OXCT1: variants seen among roughly 807,000 people sequenced by gnomAD.
The protein encoded by OXCT1 is succinyl-CoA:3-ketoacid coenzyme A transferase 1, mitochondrial.
OXCT1 carries 27 observed loss-of-function variants against 69.6 expected under a neutral mutation model. The observed-to-expected ratio is 0.39, with a 90% CI of 0.29 to 0.54. OXCT1 has a LOEUF of 0.54. Ranked by LOEUF, OXCT1 falls within the 20% of genes least tolerant of loss-of-function variation. The pLI is 0.72. For missense variants in OXCT1, 437 were observed against 650.2 expected (o/e 0.67, Z 3.57); for synonymous variants, 202 against 217.8 (o/e 0.93, Z 0.64).
At chr5:41,846,582 C>T (rs908116962) in intron 5 of OXCT1, among the ~76,000 whole-genome samples, 3 of 151,796 alleles carry the variant, frequency 2.0e-5, no homozygotes, top group Non-Finnish European at 2.9e-5. Context: ...AATAATGCTG[C>T]AATAAACATA....
chr5:41,818,281 G>A (rs1343399904), intron 7 of OXCT1, among the ~76,000 whole-genome samples: 1 of 152,190 alleles, frequency 6.6e-6, no homozygotes, highest in Non-Finnish European at 1.5e-5. Context: ...GCCACAAAAA[G>A]AGGGAGAACA....
chr5:41,830,294 G>A (rs183760251), intron 7 of OXCT1, among the ~76,000 whole-genome samples: 50 of 152,284 alleles, frequency 3.3e-4, no homozygotes, highest in Non-Finnish European at 5.4e-4. Context: ...TTCAGAAAGG[G>A]TTGGTGGAAG....
At chr5:41,787,305 G>A (rs1745685479) in intron 13 of OXCT1, among the ~76,000 whole-genome samples, 6 of 152,004 alleles carry the variant, frequency 3.9e-5, no homozygotes, top group Admixed American at 6.6e-5. Context: ...AGTGGCTTTC[G>A]GACATTAGAC....
intron 5 of OXCT1, among the ~76,000 whole-genome samples, chr5:41,844,846 T>A (rs372980059): frequency 2.4e-4 from 36 of 151,734 alleles, no homozygotes; most frequent in East Asian, 2.3e-3. Context: ...CAAACTCCAC[T>A]GTTACCACCT....
chr5:41,740,794 C>G (rs529181810), intron 15 of OXCT1, among the ~76,000 whole-genome samples: 3 of 152,294 alleles, frequency 2.0e-5, no homozygotes. Flanking sequence ...ATGGCTTTAG[C>G]TCCATGCTAT....
chr5:41,818,822 T>C (rs1747382147), intron 7 of OXCT1, among the ~76,000 whole-genome samples: 1 of 152,066 alleles, frequency 6.6e-6, no homozygotes, highest in Non-Finnish European at 1.5e-5. Context: ...TATCACTTTT[T>C]CCCACATTTC....
intron 14 of OXCT1, among the ~76,000 whole-genome samples, chr5:41,751,455 A>G (rs959507339): frequency 6.6e-6 from 1 of 152,094 alleles, no homozygotes; most frequent in African/African-American, 2.4e-5. Flanking sequence ...CTCTGCATAC[A>G]CACTATAGCA....
At chr5:41,737,212 A>G (rs971149123) in intron 16 of OXCT1, among the ~76,000 whole-genome samples, 1 of 152,168 alleles carries the variant, frequency 6.6e-6, no homozygotes, top group Admixed American at 6.5e-5. Context: ...ACAAATTAAC[A>G]TTTCATCTCA....
chr5:41,859,991 T>C (rs1749663562), intron 3 of OXCT1, among the ~76,000 whole-genome samples: 1 of 150,970 alleles, frequency 6.6e-6, no homozygotes, highest in Non-Finnish European at 1.5e-5. Flanking sequence ...CAGCATCTAT[T>C]CTGCATCAAG....
chr5:41,735,746 T>G lies in OXCT1; in HGVS notation c.1521+3644A>C, dbSNP rs150652721. 1.4e-3 allele frequency among the ~76,000 whole-genome samples: 216 copies of G among 152,334 alleles called. 1 individual carries two copies. The highest frequency in any genetic ancestry group is 5.1e-3 in the African/African-American group (210 of 41,568). ...ATGTGGAAGGACACCTATCTATTCATGTAACTACCCTGACCTCCGGTGTGT... is the reference window on the plus strand; with the variant it reads ...ATGTGGAAGGACACCTATCTATTCAGGTAACTACCCTGACCTCCGGTGTGT... On this transcript the variant is annotated intron_variant, in intron 16 of 16. Transcript: ENST00000196371.
At chr5:41,853,374 T>C (rs768537799) in intron 4 of OXCT1, 45 bp downstream of exon 4, 1 of 1,577,164 alleles carries the variant, frequency 6.3e-7, no homozygotes, top group Admixed American at 1.7e-5. Context: ...AAAAAGGAAT[T>C]TTTAAAGTAA....
intron 16 of OXCT1, among the ~76,000 whole-genome samples, chr5:41,735,328 G>A (rs996332844): frequency 6.6e-6 from 1 of 152,140 alleles, no homozygotes; most frequent in Non-Finnish European, 1.5e-5. Context: ...ATTATGCTAA[G>A]CAAAATAAGC....
intron 13 of OXCT1, among the ~76,000 whole-genome samples, chr5:41,790,945 A>G (rs1286281322): frequency 2.0e-5 from 3 of 152,170 alleles, no homozygotes; most frequent in African/African-American, 7.2e-5. Context: ...TTACCAGTGT[A>G]TTTTAAGGTA....
chr5:41,856,370 A>C (rs1038140924), intron 3 of OXCT1, among the ~76,000 whole-genome samples: 1 of 152,134 alleles, frequency 6.6e-6, no homozygotes, highest in Non-Finnish European at 1.5e-5. Flanking sequence ...GGGGAAATTA[A>C]CAAGCACTAG....
chr5:41,759,561 G>A (rs1366413301), intron 14 of OXCT1, among the ~76,000 whole-genome samples: 1 of 152,064 alleles, frequency 6.6e-6, no homozygotes, highest in Non-Finnish European at 1.5e-5. Flanking sequence ...GGTAGTCTGA[G>A]GGCAGGTGTT....
chr5:41,794,986 T>C (rs1746110090), intron 11 of OXCT1, among the ~76,000 whole-genome samples: 1 of 152,232 alleles, frequency 6.6e-6, no homozygotes, highest in South Asian at 2.1e-4. Context: ...CTTTTAGTTT[T>C]CTTATTGTTT....
Position 41,859,134 on chromosome 5 carries a change from G to A in OXCT1, c.278+2180C>T, listed in dbSNP as rs556364652. Among the ~76,000 whole-genome samples, 8 of 152,272 alleles carry A rather than the reference G, an allele frequency of 5.3e-5. No homozygotes were observed. The South Asian group carries it at 1.7e-3, about 32-fold the overall frequency. ...TCTACACTGTATATACTACTCTCCT[G>A]TTCTTCACTTAGTAGCCATGATGGT... On this transcript the variant is annotated intron_variant, in intron 3 of 16. Transcript: ENST00000196371.
intron 14 of OXCT1, among the ~76,000 whole-genome samples, chr5:41,759,861 G>T (rs1209361124): frequency 4.6e-5 from 7 of 151,972 alleles, no homozygotes; most frequent in Non-Finnish European, 8.8e-5. Flanking sequence ...CAAAACAGCA[G>T]CACAAGAATA....
intron 5 of OXCT1, among the ~76,000 whole-genome samples, chr5:41,844,954 A>C (rs1261674023): frequency 6.6e-6 from 1 of 151,872 alleles, no homozygotes; most frequent in East Asian, 1.9e-4. Context: ...AAAAAAAAAA[A>C]AAAAGAACCA....
Sources: gnomAD v4.1 joint callset for allele counts (sites outside exome capture counted in the v4.1 genomes callset) on GRCh38, gnomAD v4.1.1 for gene constraint, MANE v1.5 for transcripts, NCBI Gene and HGNC (gene_info 2026-07-23, HGNC 2026-07-21) for gene names.